LRFN5: variants seen among roughly 807,000 people sequenced by gnomAD.
LRFN5 encodes the protein leucine rich repeat and fibronectin type III domain containing 5.
A neutral mutation model predicts 45.6 loss-of-function variants in LRFN5; 24 were observed. The observed-to-expected ratio is 0.53, with a 90% CI of 0.38 to 0.74. The LOEUF is 0.74. LRFN5 is among the 30% of genes least tolerant of loss of function. The probability of loss-of-function intolerance (pLI) is 0.00; values close to 1 mark genes in which losing one functional copy is unlikely to be tolerated. For missense variants in LRFN5, 776 were observed against 861.5 expected (o/e 0.90, Z 1.24); for synonymous variants, 340 against 313.8 (o/e 1.08, Z -0.88).
chr14:41,719,745 GTA>G (rs144467410), intron 1 of LRFN5, among the ~76,000 whole-genome samples: 33 of 149,098 alleles, frequency 2.2e-4, no homozygotes, highest in African/African-American at 6.4e-4. Context: ...ATGTGTGTGT[GTA>G]TATATATATA....
chr14:41,727,468 G>T (rs1392892019), intron 1 of LRFN5, among the ~76,000 whole-genome samples: 1 of 151,112 alleles, frequency 6.6e-6, no homozygotes, highest in Non-Finnish European at 1.5e-5. Context: ...AAATAGGAAA[G>T]AAAAAAAATT....
rs774337661 is a variant in LRFN5 at position 41,880,318 on chromosome 14, TA to T, written c.-20-6287del. Among the ~76,000 whole-genome samples the T allele has an allele frequency of 1.3e-3, 195 of 152,184 alleles. 1 individual carries two copies. The highest frequency in any genetic ancestry group is 3.8e-4 in the Non-Finnish European group (26 of 67,996). Reference sequence around the variant, plus strand: ...TTTTATAAATTTCTGCTCATTTTAATAGTCTCATTTCTTCTATTTACTCTCT... The same window carrying T: ...TTTTATAAATTTCTGCTCATTTTAATGTCTCATTTCTTCTATTTACTCTCT... On this transcript the variant is annotated intron_variant, in intron 2 of 5. Transcript: ENST00000298119.
rs74778055 is a variant in LRFN5, at chr14:41,637,480, T to C, written c.-197+28918T>C. Among the ~76,000 whole-genome samples the C allele has an allele frequency of 9.1e-3, 1,390 of 152,268 alleles. 6 individuals are homozygous for C. The highest frequency in any genetic ancestry group is 0.014 in the East Asian group (73 of 5,176). Reference sequence around the variant, plus strand: ...CTTTATTAAATCCAGAATTTTTCTATACTAGTGTTGAATTCTTAAAGAGCT... The same window carrying C: ...CTTTATTAAATCCAGAATTTTTCTACACTAGTGTTGAATTCTTAAAGAGCT... On this transcript the variant is annotated intron_variant, in intron 1 of 5. Coordinates refer to ENST00000298119, the MANE Select transcript of LRFN5 (RefSeq NM_152447.5).
chr14:41,874,118 G>T (rs751607217), intron 2 of LRFN5, among the ~76,000 whole-genome samples: 5 of 152,090 alleles, frequency 3.3e-5, no homozygotes, highest in Non-Finnish European at 5.9e-5. Flanking sequence ...AGAAACAGGG[G>T]TCATCTACTG....
chr14:41,815,686 C>T (rs756032421), intron 2 of LRFN5, among the ~76,000 whole-genome samples: 17 of 152,008 alleles, frequency 1.1e-4, no homozygotes, highest in Non-Finnish European at 2.2e-4. Flanking sequence ...TGCACTCCAG[C>T]CTGAGTGCCA....
At chr14:41,666,677 T>G (rs1249050410) in intron 1 of LRFN5, among the ~76,000 whole-genome samples, 3 of 152,130 alleles carry the variant, frequency 2.0e-5, no homozygotes, top group Non-Finnish European at 4.4e-5. Flanking sequence ...TAAGGCATTG[T>G]CCAACTAACA....
chr14:41,904,334 G>A lies in LRFN5; in HGVS notation c.*159G>A. The A allele has an allele frequency of 1.2e-6, 1 of 862,726 alleles. No homozygotes were observed. The highest frequency in any genetic ancestry group is 1.6e-5 in the South Asian group (1 of 62,552). The allele number at this position is 862,726 out of a possible 1,614,324, so 53.4% of individuals were successfully genotyped here. A position where few individuals can be genotyped will look rare whatever the true frequency, so the allele number is the denominator to read the frequency against. ...AAGGTGAAAGTCTCTGATGACGGCG[G>A]AACTGGCTCCATTAGACCATGGTTC... On this transcript the variant is annotated 3_prime_UTR_variant, in exon 6 of 6. Coordinates refer to ENST00000298119, the MANE Select transcript of LRFN5 (RefSeq NM_152447.5).
In LRFN5 at chr14:41,904,193, C is replaced by G; in HGVS notation, c.*18C>G. 1.2e-6 allele frequency: 2 copies of G among 1,609,274 alleles called. No individual in the cohort carries two copies. The highest frequency in any genetic ancestry group is 8.5e-7 in the Non-Finnish European group (1 of 1,178,688). On this transcript the variant is annotated 3_prime_UTR_variant, in exon 6 of 6. Transcript: ENST00000298119. ...TAATCTGAAGAGCACCACTTCTCCT[C>G]TCTCTCCTGAAAAAATTTGCCACTG...
intron 1 of LRFN5, among the ~76,000 whole-genome samples, chr14:41,643,011 C>T (rs1382354424): frequency 1.3e-5 from 2 of 152,126 alleles, no homozygotes; most frequent in African/African-American, 2.4e-5. Context: ...GGATTAAGAG[C>T]TTTACATAAT....
chr14:41,763,383 T>C (rs1885748388), intron 1 of LRFN5, among the ~76,000 whole-genome samples: 1 of 152,194 alleles, frequency 6.6e-6, no homozygotes, highest in Admixed American at 6.5e-5. Context: ...AAAGTATCAT[T>C]TGGTGCTGGA....
At position 41,757,479 on chromosome 14, in the gene LRFN5, G is replaced by A. The variant is rs372497337; in HGVS notation, c.-196-9375G>A. 2.4e-4 allele frequency among the ~76,000 whole-genome samples: 36 copies of A among 152,292 alleles called. 1 individual carries two copies. The South Asian group carries it at 6.0e-3, about 25-fold the overall frequency. On this transcript the variant is annotated intron_variant, in intron 1 of 5. Transcript: ENST00000298119. ...TGGTGGGCGCCCCTCCCCCAGCCTC[G>A]CTGCCGCCTTGCAGTTTGATCTCAG...
intron 2 of LRFN5, among the ~76,000 whole-genome samples, chr14:41,815,370 G>A (rs1417595560): frequency 1.3e-5 from 2 of 151,782 alleles, no homozygotes; most frequent in Non-Finnish European, 2.9e-5. Flanking sequence ...TGCTTTCTTT[G>A]GATTAGTACT....
At chr14:41,668,341 T>A (rs1235580301) in intron 1 of LRFN5, among the ~76,000 whole-genome samples, 1 of 152,124 alleles carries the variant, frequency 6.6e-6, no homozygotes, top group African/African-American at 2.4e-5. Context: ...AGGAAAGAGA[T>A]CATATTTATA....
chr14:41,670,684 A>G (rs892937586), intron 1 of LRFN5, among the ~76,000 whole-genome samples: 1 of 151,888 alleles, frequency 6.6e-6, no homozygotes, highest in Non-Finnish European at 1.5e-5. Context: ...GTAATTCCTC[A>G]CTGAAATAGG....
intron 2 of LRFN5, among the ~76,000 whole-genome samples, chr14:41,869,961 A>G (rs1051033864): frequency 1.3e-5 from 2 of 152,150 alleles, no homozygotes; most frequent in Admixed American, 1.3e-4. Flanking sequence ...CTCAATTTTT[A>G]ATCTAAATAT....
chr14:41,855,288 T>A (rs1452440556), intron 2 of LRFN5, among the ~76,000 whole-genome samples: 1 of 152,182 alleles, frequency 6.6e-6, no homozygotes, highest in Non-Finnish European at 1.5e-5. Flanking sequence ...AATATCACAC[T>A]GTGTATAGAT....
At chr14:41,791,401 A>G (rs1209651174) in intron 2 of LRFN5, among the ~76,000 whole-genome samples, 1 of 152,020 alleles carries the variant, frequency 6.6e-6, no homozygotes, top group Non-Finnish European at 1.5e-5. Context: ...AGCATAATGA[A>G]TGTACTTGCT....
chr14:41,807,593 T>C (rs1887567627), intron 2 of LRFN5, among the ~76,000 whole-genome samples: 1 of 152,154 alleles, frequency 6.6e-6, no homozygotes, highest in Non-Finnish European at 1.5e-5. Flanking sequence ...AAGAAGATCC[T>C]GAGCACTATG....
rs930995118 is a variant in LRFN5, at chr14:41,665,973, G to A, written c.-197+57411G>A. Among the ~76,000 whole-genome samples, 18 of 151,704 alleles carry A rather than the reference G, an allele frequency of 1.2e-4. 1 individual carries two copies. Among genetic ancestry groups the A allele is most frequent in the African/African-American group, 3.9e-4 (16 of 41,322 alleles). On this transcript the variant is annotated intron_variant, in intron 1 of 5. Coordinates refer to ENST00000298119, the MANE Select transcript of LRFN5 (RefSeq NM_152447.5). ...TGTCAAGGAATATTTTCTGTATTTC[G>A]TGTATTAAATAGTTGTGTATTAGTG...
Sources: gnomAD v4.1 joint callset for allele counts (sites outside exome capture counted in the v4.1 genomes callset) on GRCh38, gnomAD v4.1.1 for gene constraint, MANE v1.5 for transcripts, NCBI Gene and HGNC (gene_info 2026-07-23, HGNC 2026-07-21) for gene names.